Variants in GRXCR2 observed in about 807,000 individuals in gnomAD.
The protein encoded by GRXCR2 is glutaredoxin domain-containing cysteine-rich protein 2.
Under a neutral mutation model 24.8 loss-of-function variants are expected in GRXCR2, and 23 were observed. The ratio of observed to expected loss-of-function variants is 0.93; its 90% CI spans 0.67 to 1.32. The LOEUF (loss-of-function observed/expected upper bound fraction) is 1.32. GRXCR2 is among the 40% of genes most tolerant of loss of function. The probability of loss-of-function intolerance (pLI) is 0.00; values close to 1 mark genes in which losing one functional copy is unlikely to be tolerated. For synonymous variants in GRXCR2, 130 were observed against 116.1 expected (o/e 1.12, Z -0.77); for missense variants, 315 against 303.4 (o/e 1.04, Z -0.28).
At chr5:145,889,196 GA>G (rs1255293511) in intron 2 of GRXCR2, among the ~76,000 whole-genome samples, 1 of 144,376 alleles carries the variant, frequency 6.9e-6, no homozygotes, top group Non-Finnish European at 1.5e-5. Flanking sequence ...AAGAAAGAAA[GA>G]AAGAAAGAAA....
Position 145,873,002 on chromosome 5 carries a change from C to T in GRXCR2, c.-34G>A, listed in dbSNP as rs768413173. On this transcript the variant is annotated 5_prime_UTR_variant, in exon 1 of 3. Coordinates refer to ENST00000377976, the MANE Select transcript of GRXCR2 (RefSeq NM_001080516.2). ...AGTTGACCCTGTGGTCTCCAGCCTT[C>T]CGTGCAGCCGGTGAAACTTGGGCCT... The T allele has an allele frequency of 5.1e-6, 8 of 1,578,422 alleles. No homozygotes were observed. In the South Asian group the frequency reaches 7.9e-5, roughly 16 times the overall value.
chr5:145,880,293 C>T (rs545316343), intron 2 of GRXCR2, among the ~76,000 whole-genome samples: 40 of 151,858 alleles, frequency 2.6e-4, no homozygotes, highest in Admixed American at 2.0e-3. Flanking sequence ...ATTGATAGAC[C>T]GCTAGCAAGA....
intron 2 of GRXCR2, among the ~76,000 whole-genome samples, chr5:145,860,809 C>T (rs1307131248): frequency 1.3e-5 from 2 of 152,070 alleles, no homozygotes; most frequent in African/African-American, 4.8e-5. Flanking sequence ...ATAATGCTTA[C>T]CCTTCTGAGT....
chr5:145,916,979 T>C (rs1429232847), intron 2 of GRXCR2, among the ~76,000 whole-genome samples: 1 of 151,694 alleles, frequency 6.6e-6, no homozygotes, highest in Non-Finnish European at 1.5e-5. Flanking sequence ...CTTAAAATCA[T>C]AGCCACATAC....
intron 2 of GRXCR2, among the ~76,000 whole-genome samples, chr5:145,861,090 C>T (rs535154734): frequency 1.3e-5 from 2 of 152,048 alleles, no homozygotes; most frequent in East Asian, 3.9e-4. Flanking sequence ...CTGGCCATTT[C>T]AGCTTCTGAA....
chr5:145,883,260 A>G (rs1756729972), intron 2 of GRXCR2, among the ~76,000 whole-genome samples: 1 of 152,134 alleles, frequency 6.6e-6, no homozygotes, highest in African/African-American at 2.4e-5. Flanking sequence ...TTTAAAAGGG[A>G]GATTAAGGGT....
intron 2 of GRXCR2, among the ~76,000 whole-genome samples, chr5:145,915,671 T>A (rs992728331): frequency 1.7e-4 from 26 of 151,438 alleles, no homozygotes; most frequent in African/African-American, 6.3e-4. Flanking sequence ...GAGGTGGAGG[T>A]TGCAGTGAGC....
At chr5:145,915,905 G>A (rs1383573609) in intron 2 of GRXCR2, among the ~76,000 whole-genome samples, 1 of 152,130 alleles carries the variant, frequency 6.6e-6, no homozygotes. Context: ...TTTCAGCACG[G>A]GCCTGGAACA....
rs201413878 is a variant in GRXCR2, at chr5:145,872,701, C to T, written c.268G>A (p.Glu90Lys). 3.1e-6 allele frequency: 5 copies of T among 1,614,110 alleles called. No individual in the cohort carries two copies. The East Asian group carries it at 8.9e-5, about 29-fold the overall frequency. ...CCTGCCAAGGTGTAGGCATTACCCT[C>T]TCTAAACACACTGATCCTCTGAGCA... is the stretch of plus-strand genomic sequence containing the variant. ...LTAQRISVFR[E>K]GNAYTLAGGQ... Residue 90 changes from glutamate to lysine, a missense_variant, in exon 1 of 3, where the codon GAG (glutamate) becomes AAG (lysine). Transcript: ENST00000377976.
chr5:145,913,324 C>T (rs1228349668), intron 2 of GRXCR2, among the ~76,000 whole-genome samples: 3 of 152,210 alleles, frequency 2.0e-5, no homozygotes, highest in African/African-American at 4.8e-5. Context: ...GAAAGGCCTG[C>T]ATCATCTAGG....
At chr5:145,876,191 G>GTGTGTATA (rs1412232264), upstream of GRXCR2, among the ~76,000 whole-genome samples, 41 of 105,308 alleles carry the variant, frequency 3.9e-4, no homozygotes, top group East Asian at 5.0e-3. Flanking sequence ...GTGTGTGTGT[G>GTGTGTATA]TATATATATA....
chr5:145,931,328 G>C (rs984707595), intron 2 of GRXCR2, among the ~76,000 whole-genome samples: 1 of 152,254 alleles, frequency 6.6e-6, no homozygotes, highest in South Asian at 2.1e-4. Context: ...CACTGCACCT[G>C]GCCCAAAACC....
chr5:145,912,537 A>C (rs929041679), intron 2 of GRXCR2, among the ~76,000 whole-genome samples: 1 of 152,206 alleles, frequency 6.6e-6, no homozygotes, highest in Non-Finnish European at 1.5e-5. Flanking sequence ...ACAGATACGT[A>C]ATAAGCAAAT....
intron 2 of GRXCR2, among the ~76,000 whole-genome samples, chr5:145,907,480 G>C (rs1028914498): frequency 1.4e-4 from 21 of 151,824 alleles, no homozygotes; most frequent in African/African-American, 4.6e-4. Flanking sequence ...AGTGAGCTGA[G>C]ATCGTGCCAC....
intron 2 of GRXCR2, among the ~76,000 whole-genome samples, chr5:145,883,745 T>C (rs1756738231): frequency 6.6e-6 from 1 of 152,008 alleles, no homozygotes; most frequent in Non-Finnish European, 1.5e-5. Flanking sequence ...ATATAAAAAT[T>C]AGCCTATCAT....
chr5:145,919,906 G>A (rs1361407272), intron 2 of GRXCR2, among the ~76,000 whole-genome samples: 1 of 152,132 alleles, frequency 6.6e-6, no homozygotes, highest in African/African-American at 2.4e-5. Context: ...GTCTTGTGAG[G>A]TAGGAGAATG....
intron 2 of GRXCR2, among the ~76,000 whole-genome samples, chr5:145,883,659 G>A (rs761804284): frequency 2.6e-5 from 4 of 152,136 alleles, no homozygotes; most frequent in East Asian, 1.9e-4. Context: ...TTGGGAGGCC[G>A]AGGCAGGTGG....
chr5:145,862,951 T>G (rs1314543599), intron 2 of GRXCR2, among the ~76,000 whole-genome samples: 1 of 152,186 alleles, frequency 6.6e-6, no homozygotes, highest in Non-Finnish European at 1.5e-5. Flanking sequence ...GCAGCTATTA[T>G]GATTATGATT....
intron 2 of GRXCR2, among the ~76,000 whole-genome samples, chr5:145,882,826 G>C (rs1756722129): frequency 1.3e-5 from 2 of 152,168 alleles, no homozygotes; most frequent in Non-Finnish European, 2.9e-5. Flanking sequence ...TATACACCAT[G>C]TAATACTATG....
Sources: allele counts gnomAD v4.1 joint callset (sites outside exome capture counted in the v4.1 genomes callset), GRCh38; gene constraint gnomAD v4.1.1; transcripts MANE v1.5; gene names NCBI Gene and HGNC (gene_info 2026-07-23, HGNC 2026-07-21).